The following DOT1L variants were observed in gnomAD, a reference collection of about 807,000 sequenced individuals.
The protein encoded by DOT1L is DOT1 like histone lysine methyltransferase, also known as histone-lysine N-methyltransferase, H3 lysine-79 specific.
DOT1L carries 33 observed loss-of-function variants against 153.3 expected under a neutral mutation model. The observed-to-expected ratio is 0.22, with a 90% CI of 0.16 to 0.29. The LOEUF is 0.29. DOT1L is among the 10% of genes least tolerant of loss of function. The pLI, the probability that DOT1L is intolerant of heterozygous loss-of-function variation, is 1.00. For missense variants in DOT1L, 1,847 were observed against 2,119.9 expected (o/e 0.87, Z 2.53); for synonymous variants, 1,135 against 965.1 (o/e 1.18, Z -3.26).
Position 2,220,036 on chromosome 19 carries a change from AC to A in DOT1L, c.2692-71del. Reference sequence around the variant, plus strand: ...CAGCCAGCTGCAGGCCTCAACACTCACTGTTTCCAGCTGGGTTCTGGGTCTC... The same window carrying A: ...CAGCCAGCTGCAGGCCTCAACACTCATGTTTCCAGCTGGGTTCTGGGTCTC... On this transcript the variant is annotated intron_variant, in intron 22 of 27. Transcript: ENST00000398665. This position sits in a 1 kb window ranked among gnomAD's most constrained non-coding sequence, Gnocchi z 4.5. 1 of 1,412,876 alleles carries A rather than the reference AC, an allele frequency of 7.1e-7. No individual in the cohort carries two copies. Among genetic ancestry groups the A allele is most frequent in the Non-Finnish European group, 9.7e-7 (1 of 1,030,316 alleles). 87.5% of individuals were successfully genotyped at this position (1,412,876 alleles called of 1,614,324 possible).
rs1008921732 is a variant in DOT1L, at chr19:2,217,176, A to G, written c.2544+86A>G. 5.5e-6 allele frequency: 8 copies of G among 1,460,250 alleles called. No individual in the cohort carries two copies. The highest frequency in any genetic ancestry group is 5.4e-6 in the Non-Finnish European group (6 of 1,108,854). The allele number at this position is 1,460,250 out of a possible 1,614,324, so 90.5% of individuals were successfully genotyped here. A position where few individuals can be genotyped will look rare whatever the true frequency, so the allele number is the denominator to read the frequency against. Reference sequence around the variant, plus strand: ...AGTTGCTAGCAGGAGGGCTTGTCCTAGTTGACCTTGGGGCACGGTGAGGTA... The same window carrying G: ...AGTTGCTAGCAGGAGGGCTTGTCCTGGTTGACCTTGGGGCACGGTGAGGTA... On this transcript the variant is annotated intron_variant, in intron 21 of 27. Coordinates refer to ENST00000398665, the MANE Select transcript of DOT1L (RefSeq NM_032482.3). The surrounding 1 kb of genome is among the most constrained non-coding windows in gnomAD (Gnocchi z 7.3).
chr19:2,187,615 G>A (rs1304809108), intron 3 of DOT1L, among the ~76,000 whole-genome samples: 1 of 152,162 alleles, frequency 6.6e-6, no homozygotes, highest in Non-Finnish European at 1.5e-5. Context: ...AGGGTTGAAG[G>A]CGGCGTGTAG....
At chr19:2,173,430 C>T (rs1186124308) in intron 1 of DOT1L, among the ~76,000 whole-genome samples, 1 of 152,210 alleles carries the variant, frequency 6.6e-6, no homozygotes, top group African/African-American at 2.4e-5. Context: ...CCGCGGATCA[C>T]AGTGAGAGCA....
intron 1 of DOT1L, among the ~76,000 whole-genome samples, chr19:2,170,563 C>T (rs1473399637): frequency 6.6e-6 from 1 of 152,150 alleles, no homozygotes; most frequent in Admixed American, 6.5e-5. Context: ...AGCATGTCTA[C>T]CTCGACACAG....
intron 23 of DOT1L, 38 bp from the exon 24 acceptor site, chr19:2,221,938 T>C: frequency 6.5e-7 from 1 of 1,547,500 alleles, no homozygotes; most frequent in Non-Finnish European, 8.7e-7. Context: ...TCTTTGGCCA[T>C]CCTGTGTCCC....
At chr19:2,200,160 C>T (rs2023190910) in intron 8 of DOT1L, among the ~76,000 whole-genome samples, 1 of 152,140 alleles carries the variant, frequency 6.6e-6, no homozygotes, top group African/African-American at 2.4e-5. Flanking sequence ...CCCTGCAGAC[C>T]CTGCTGGCAG....
At chr19:2,199,732 C>T in intron 7 of DOT1L, 152 bp from the exon 8 acceptor site, 1 of 1,043,090 alleles carries the variant, frequency 9.6e-7, no homozygotes, top group Non-Finnish European at 1.4e-6. Context: ...GCCTGCAGCT[C>T]CCAGGGCTGC....
Position 2,173,925 on chromosome 19 carries a change from C to T in DOT1L, c.82-6788C>T, listed in dbSNP as rs186371927. On this transcript the variant is annotated intron_variant, in intron 1 of 27. Transcript: ENST00000398665. ...CAGTGTCGAGTTGCTTTGACTGTTT[C>T]CAGGGAACTCCTTTGGTTGTTGCGT... is the stretch of plus-strand genomic sequence containing the variant. Among the ~76,000 whole-genome samples, 34 of 152,312 alleles carry T rather than the reference C, an allele frequency of 2.2e-4. 1 individual carries two copies. The highest frequency in any genetic ancestry group is 6.7e-4 in the African/African-American group (28 of 41,560).
intron 1 of DOT1L, among the ~76,000 whole-genome samples, chr19:2,177,072 C>T (rs2021977262): frequency 6.6e-6 from 1 of 152,224 alleles, no homozygotes; most frequent in Non-Finnish European, 1.5e-5. Flanking sequence ...CTTCCGGCTG[C>T]ACCCTGCAAC....
chr19:2,218,890 GTCTTGC>G (rs1290021190), intron 22 of DOT1L, among the ~76,000 whole-genome samples: 2 of 151,896 alleles, frequency 1.3e-5, no homozygotes, highest in Non-Finnish European at 2.9e-5. Flanking sequence ...CTGAGACGGA[GTCTTGC>G]TCTGTTGCCC....
chr19:2,218,886 C>T (rs538645266), intron 22 of DOT1L, among the ~76,000 whole-genome samples: 6 of 151,356 alleles, frequency 4.0e-5, no homozygotes, highest in African/African-American at 1.2e-4. Flanking sequence ...CCAGCTGAGA[C>T]GGAGTCTTGC....
rs766395532 is a variant in DOT1L, at chr19:2,226,793, C to T, written c.4272C>T (p.His1424=). ...RDREVDLKNG[H]NLFISAAAVP... ...GCGAGGTCGACCTCAAGAATGGCCA[C>T]AACCTCTTCATCTCTGCGGCGGCCG... The change falls in exon 27 of 28, where the codon CAC becomes CAT. Residue 1424 remains histidine, a synonymous_variant. Transcript: ENST00000398665. 18 of 1,580,954 alleles carry T rather than the reference C, an allele frequency of 1.1e-5. No individual in the cohort carries two copies. In the Admixed American group the frequency reaches 3.3e-4, roughly 29 times the overall value.
Position 2,226,477 on chromosome 19 carries a change from G to C in DOT1L, c.3956G>C (p.Gly1319Ala), listed in dbSNP as rs2024335412. 6 of 1,601,202 alleles carry C rather than the reference G, an allele frequency of 3.7e-6. No individual in the cohort carries two copies. Among genetic ancestry groups the C allele is most frequent in the Non-Finnish European group, 5.1e-6 (6 of 1,179,652 alleles). Reference protein sequence around the residue: ...GTNPANGCTFGGGLAADLSLH... With the variant: ...GTNPANGCTFAGGLAADLSLH... ...AACCCTGCCAACGGCTGCACCTTCGGCGGGGGCCTGGCCGCGGACCTGAGT... is the reference window on the plus strand; with the variant it reads ...AACCCTGCCAACGGCTGCACCTTCGCCGGGGGCCTGGCCGCGGACCTGAGT... Residue 1319 changes from glycine to alanine, a missense_variant, in exon 27 of 28, where the codon GGC becomes GCC. Physicochemically the swap from Gly to Ala is moderately conservative, Grantham distance 60. Around this residue, in one of 8 missense-constraint regions of DOT1L, gnomAD observed 934 missense variants for 825.3 expected, o/e 1.13. Transcript: ENST00000398665.
At chr19:2,188,033 G>A (rs554745108) in intron 3 of DOT1L, among the ~76,000 whole-genome samples, 1 of 151,800 alleles carries the variant, frequency 6.6e-6, no homozygotes, top group East Asian at 1.9e-4. Context: ...CCTCCGGCCC[G>A]CATGGTGCCT....
rs778598047 is a variant in DOT1L at position 2,206,811 on chromosome 19, ATGT to A, written c.856+19_856+21del. 16 of 1,609,850 alleles carry A rather than the reference ATGT, an allele frequency of 9.9e-6. No homozygotes were observed. The African/African-American group carries it at 1.5e-4, about 15-fold the overall frequency. Reference sequence around the variant, plus strand: ...GAAACTTGAGTGGTAAGAAACTCTCATGTTGTTAATGATGAACACGGGTAATTT... The same window carrying A: ...GAAACTTGAGTGGTAAGAAACTCTCATGTTAATGATGAACACGGGTAATTT... On this transcript the variant is annotated intron_variant, in intron 10 of 27. Transcript: ENST00000398665.
chr19:2,224,263 C>T (rs1013568179), intron 25 of DOT1L, among the ~76,000 whole-genome samples: 4 of 152,148 alleles, frequency 2.6e-5, no homozygotes, highest in Non-Finnish European at 2.9e-5. Context: ...GCAAGTTTCC[C>T]GTTTCCTGGT....
At chr19:2,165,282 C>CCG (rs112662174) in intron 1 of DOT1L, among the ~76,000 whole-genome samples, 151,810 of 151,916 alleles carry the variant, frequency 1, 75,852 homozygotes, top group Middle Eastern at 1. Context: ...CCTGGGACTC[C>CCG]CGCGCGCGCT....
rs2023404589 is a variant in DOT1L at position 2,204,195 on chromosome 19, G to A, written c.787+1416G>A. ...TTAGCGTGTCTCTGTGTGCGTGCCT[G>A]TGCGTGCCTGTGTCTGCATGTCTGT... On this transcript the variant is annotated intron_variant, in intron 9 of 27. Transcript: ENST00000398665. This position sits in a 1 kb window ranked among gnomAD's most constrained non-coding sequence, Gnocchi z 5.7. Among the ~76,000 whole-genome samples the A allele has an allele frequency of 6.6e-6, 1 of 151,896 alleles. No homozygotes were observed. Among genetic ancestry groups the A allele is most frequent in the African/African-American group, 2.4e-5 (1 of 41,342 alleles).
At position 2,217,037 on chromosome 19, in the gene DOT1L, C is replaced by A; in HGVS notation, c.2491C>A (p.Arg831=). The part of the protein sequence containing the change: ...GSMKLSPQDP[R]PLSPGALQLA... ...CATGAAGCTGAGCCCTCAGGACCCG[C>A]GGCCCCTGTCCCCTGGGGCCTTGCA... The change falls in exon 21 of 28, where the codon CGG becomes AGG. Residue 831 remains arginine (R), a synonymous_variant. Coordinates refer to ENST00000398665, the MANE Select transcript of DOT1L (RefSeq NM_032482.3). This position sits in a 1 kb window ranked among gnomAD's most constrained non-coding sequence, Gnocchi z 7.3. 1.2e-6 allele frequency: 2 copies of A among 1,612,608 alleles called. No homozygotes were observed. Among genetic ancestry groups the A allele is most frequent in the South Asian group, 2.2e-5 (2 of 91,052 alleles).
Sources: gnomAD v4.1 joint callset for allele counts (sites outside exome capture counted in the v4.1 genomes callset) on GRCh38, gnomAD v4.1.1 for gene constraint, gnomAD v4.1.1 regional missense constraint, Gnocchi (gnomAD v3.1) non-coding constraint, MANE v1.5 for transcripts, NCBI Gene and HGNC (gene_info 2026-07-23, HGNC 2026-07-21) for gene names.